ABI2: variants seen among roughly 807,000 people sequenced by gnomAD.
The protein encoded by ABI2 is abl interactor 2.
In ABI2, 25 loss-of-function variants were observed where a neutral mutation model predicts 59.2. The observed-to-expected ratio is 0.42, with a 90% CI of 0.31 to 0.59. The LOEUF (loss-of-function observed/expected upper bound fraction) is 0.59. ABI2 is among the 20% of genes least tolerant of loss of function. ABI2 has a pLI of 0.14. For synonymous variants in ABI2, 213 were observed against 235.5 expected (o/e 0.90, Z 0.87); for missense variants, 545 against 681.8 (o/e 0.80, Z 2.23).
chr2:203,385,985 C>A (rs968214836), intron 4 of ABI2, among the ~76,000 whole-genome samples: 1 of 152,130 alleles, frequency 6.6e-6, no homozygotes, highest in African/African-American at 2.4e-5. Context: ...AAATCTTAAC[C>A]TCTGTCCTGA....
rs1429741378 is a variant in ABI2 at position 203,419,282 on chromosome 2, T to G, written c.1453+2201T>G. Among the ~76,000 whole-genome samples, 36 of 151,032 alleles carry G rather than the reference T, an allele frequency of 2.4e-4. 1 individual carries two copies. Among genetic ancestry groups the G allele is most frequent in the Non-Finnish European group, 5.9e-5 (4 of 67,790 alleles). ...CCACCACCGCGCCCCGCTAATTTTT[T>G]TGTATTTTTAGTAGAGACGTGGTTT... On this transcript the variant is annotated intron_variant, in intron 11 of 11. Transcript: ENST00000261018.
intron 1 of ABI2, among the ~76,000 whole-genome samples, chr2:203,366,456 A>T (rs2094459832): frequency 6.6e-6 from 1 of 152,098 alleles, no homozygotes; most frequent in South Asian, 2.1e-4. Flanking sequence ...TATCACTTTA[A>T]TCAGACATTA....
At chr2:203,368,880 A>C (rs2094787236) in intron 2 of ABI2, among the ~76,000 whole-genome samples, 1 of 151,788 alleles carries the variant, frequency 6.6e-6, no homozygotes, top group East Asian at 1.9e-4. Flanking sequence ...ATAGTTGTAC[A>C]ATCATGGCTC....
At chr2:203,373,379 G>A (rs891325064) in intron 2 of ABI2, among the ~76,000 whole-genome samples, 5 of 152,172 alleles carry the variant, frequency 3.3e-5, no homozygotes, top group African/African-American at 1.2e-4. Flanking sequence ...AGGAGAATCA[G>A]GCAGGGAGGT....
chr2:203,374,613 C>T (rs1368520389), intron 2 of ABI2, among the ~76,000 whole-genome samples: 2 of 151,378 alleles, frequency 1.3e-5, no homozygotes, highest in Non-Finnish European at 2.9e-5. Context: ...CAATTAATTT[C>T]CTATGTAGTT....
rs535093903 is a variant in ABI2 at position 203,349,843 on chromosome 2, T to C, written c.118-17034T>C. On this transcript the variant is annotated intron_variant, in intron 1 of 11. Coordinates refer to ENST00000261018, the MANE Select transcript of ABI2 (RefSeq NM_001375670.1). ...CAATTATGAGTAATTTCATAACATATAACGTTATAAATATTCATGTACAAG... is the reference window on the plus strand; with the variant it reads ...CAATTATGAGTAATTTCATAACATACAACGTTATAAATATTCATGTACAAG... Among the ~76,000 whole-genome samples, 29 of 152,298 alleles carry C rather than the reference T, an allele frequency of 1.9e-4. 1 individual carries two copies. In the South Asian group the frequency reaches 6.0e-3, roughly 32 times the overall value.
At chr2:203,373,988 ATC>A (rs938949673) in intron 2 of ABI2, among the ~76,000 whole-genome samples, 2 of 150,632 alleles carry the variant, frequency 1.3e-5, no homozygotes, top group African/African-American at 2.4e-5. Flanking sequence ...GCAAAATTCC[ATC>A]TCTCCAAAAA....
At chr2:203,409,589 C>T (rs532777657) in intron 9 of ABI2, among the ~76,000 whole-genome samples, 105 of 152,278 alleles carry the variant, frequency 6.9e-4, no homozygotes, top group African/African-American at 2.4e-3. Context: ...TAAGAATGAC[C>T]TTCAGCTTGT....
At chr2:203,331,137 C>A (rs1408473590) in intron 1 of ABI2, among the ~76,000 whole-genome samples, 1 of 151,708 alleles carries the variant, frequency 6.6e-6, no homozygotes, top group Non-Finnish European at 1.5e-5. Flanking sequence ...TTTTAGGATG[C>A]CTTAGGTATA....
chr2:203,421,954 G>A (rs2098228775), intron 11 of ABI2, among the ~76,000 whole-genome samples: 1 of 124,654 alleles, frequency 8.0e-6, no homozygotes, highest in African/African-American at 3.2e-5. Context: ...AACAGAGTGA[G>A]ACTCTGTCTC....
Position 203,366,902 on chromosome 2 carries a change from A to G in ABI2, c.143A>G (p.Glu48Gly), listed in dbSNP as rs1328590689. Reference sequence around the variant, plus strand: ...TCAGCAGATAAGCAGAGAGCCCTAGAAGAAACCAAAGCCTACACCACCCAA... The same window carrying G: ...TCAGCAGATAAGCAGAGAGCCCTAGGAGAAACCAAAGCCTACACCACCCAA... ...IQSADKQRAL[E>G]ETKAYTTQSL... Residue 48 changes from glutamate (E) to glycine (G), a missense_variant, in exon 2 of 12, where the codon GAA becomes GGA. Transcript: ENST00000261018. The G allele has an allele frequency of 1.9e-6, 3 of 1,607,590 alleles. No homozygotes were observed. The highest frequency in any genetic ancestry group is 2.5e-6 in the Non-Finnish European group (3 of 1,176,478).
chr2:203,397,178 C>T (rs1420988043), intron 8 of ABI2, among the ~76,000 whole-genome samples: 1 of 152,058 alleles, frequency 6.6e-6, no homozygotes, highest in Non-Finnish European at 1.5e-5. Context: ...AATAGGGTAG[C>T]ATAAATTTGT....
chr2:203,380,698 T>C (rs1486628936), intron 3 of ABI2, among the ~76,000 whole-genome samples: 1 of 152,214 alleles, frequency 6.6e-6, no homozygotes, highest in Non-Finnish European at 1.5e-5. Context: ...TAAAAAATCA[T>C]TCATCATGTT....
At position 203,399,241 on chromosome 2, in the gene ABI2, T is replaced by C. The variant is rs552434247; in HGVS notation, c.1033+2274T>C. On this transcript the variant is annotated intron_variant, in intron 8 of 11. Coordinates refer to ENST00000261018, the MANE Select transcript of ABI2 (RefSeq NM_001375670.1). ...TTAGCTTTAGCCATTCCAATACATGTGTAATGGTTTCTCATTACATGTGTG... is the reference window on the plus strand; with the variant it reads ...TTAGCTTTAGCCATTCCAATACATGCGTAATGGTTTCTCATTACATGTGTG... Among the ~76,000 whole-genome samples the C allele has an allele frequency of 5.9e-5, 9 of 152,342 alleles. No individual in the cohort carries two copies. The South Asian group carries it at 1.9e-3, about 32-fold the overall frequency.
At chr2:203,400,580 T>C (rs2097179336) in intron 8 of ABI2, among the ~76,000 whole-genome samples, 1 of 152,234 alleles carries the variant, frequency 6.6e-6, no homozygotes, top group Non-Finnish European at 1.5e-5. Flanking sequence ...TTTATCATGG[T>C]TACAGAGGCT....
chr2:203,359,717 A>G (rs1471858009), intron 1 of ABI2, among the ~76,000 whole-genome samples: 1 of 152,102 alleles, frequency 6.6e-6, no homozygotes, highest in Non-Finnish European at 1.5e-5. Flanking sequence ...GAAGGGACAA[A>G]CAAGCTCCCT....
chr2:203,360,001 A>G (rs1255032959), intron 1 of ABI2, among the ~76,000 whole-genome samples: 1 of 152,046 alleles, frequency 6.6e-6, no homozygotes, highest in Admixed American at 6.6e-5. Flanking sequence ...CCTGGCCAAC[A>G]TGGTAAAACC....
At chr2:203,366,706 A>G (rs963554042) in intron 1 of ABI2, among the ~76,000 whole-genome samples, 171 bp from the exon 2 acceptor site, 2 of 152,246 alleles carry the variant, frequency 1.3e-5, no homozygotes, top group African/African-American at 4.8e-5. Flanking sequence ...AGTTCAGTCA[A>G]TAGTTTGGTT....
At chr2:203,340,262 A>C (rs2079073803) in intron 1 of ABI2, among the ~76,000 whole-genome samples, 1 of 152,256 alleles carries the variant, frequency 6.6e-6, no homozygotes. Flanking sequence ...GATGTTAGTC[A>C]CAGGGCACAA....
Sources: gnomAD v4.1 joint callset for allele counts (sites outside exome capture counted in the v4.1 genomes callset) on GRCh38, gnomAD v4.1.1 for gene constraint, MANE v1.5 for transcripts, NCBI Gene and HGNC (gene_info 2026-07-23, HGNC 2026-07-21) for gene names.